Variants in SCFD1 observed in about 807,000 individuals in gnomAD.
SCFD1 encodes the protein sec1 family domain-containing protein 1.
SCFD1 carries 37 observed loss-of-function variants against 103.2 expected under a neutral mutation model. The observed-to-expected ratio is 0.36, with a 90% CI of 0.28 to 0.47. The LOEUF (loss-of-function observed/expected upper bound fraction) is 0.47. Among genes scored for constraint, SCFD1 ranks in the 20% least tolerant of loss-of-function variants. The probability of loss-of-function intolerance (pLI) is 1.00; values close to 1 mark genes in which losing one functional copy is unlikely to be tolerated. For missense variants in SCFD1, 639 were observed against 761.2 expected (o/e 0.84, Z 1.89); for synonymous variants, 264 against 245.0 (o/e 1.08, Z -0.73).
At chr14:30,691,396 G>A (rs959733130) in intron 14 of SCFD1, among the ~76,000 whole-genome samples, 4 of 152,184 alleles carry the variant, frequency 2.6e-5, no homozygotes, top group Non-Finnish European at 2.9e-5. Context: ...TTTGGTTTGA[G>A]AAAGAGGGTC....
chr14:30,670,293 C>T lies in SCFD1; in HGVS notation c.893C>T (p.Ser298Leu), dbSNP rs150156302. The T allele has an allele frequency of 6.3e-7, 1 of 1,596,710 alleles. No individual in the cohort carries two copies. The highest frequency in any genetic ancestry group is 8.5e-7 in the Non-Finnish European group (1 of 1,173,300). ...HLNRVNLEES[S>L]GVENSPAGAR... ...AACAGGGTTAATTTGGAAGAATCTTCAGGAGTGGAAAACTCTCCAGCTGGT... is the reference window on the plus strand; with the variant it reads ...AACAGGGTTAATTTGGAAGAATCTTTAGGAGTGGAAAACTCTCCAGCTGGT... Residue 298 changes from serine (S) to leucine (L), a missense_variant, in exon 11 of 25, where the codon TCA (serine) becomes TTA (leucine). Ser to Leu is a moderately radical substitution (Grantham distance 145, BLOSUM62 -2). Transcript: ENST00000458591.
chr14:30,692,256 G>C (rs1248695185), intron 14 of SCFD1, among the ~76,000 whole-genome samples: 2 of 152,136 alleles, frequency 1.3e-5, no homozygotes, highest in Non-Finnish European at 2.9e-5. Flanking sequence ...AAGCCAGGTG[G>C]TGGTAGACTC....
intron 15 of SCFD1, among the ~76,000 whole-genome samples, chr14:30,695,110 C>A (rs568422180): frequency 9.9e-5 from 15 of 152,236 alleles, no homozygotes; most frequent in African/African-American, 2.6e-4. Context: ...TTTATATTCA[C>A]TTGTTTAAGG....
At chr14:30,708,257 G>A (rs1891613628) in intron 19 of SCFD1, among the ~76,000 whole-genome samples, 192 bp downstream of exon 19, 1 of 152,188 alleles carries the variant, frequency 6.6e-6, no homozygotes, top group South Asian at 2.1e-4. Flanking sequence ...GTAAATGTGT[G>A]CCTTGGTGGT....
intron 18 of SCFD1, among the ~76,000 whole-genome samples, chr14:30,706,261 A>G (rs1487738569): frequency 6.6e-6 from 1 of 152,188 alleles, no homozygotes; most frequent in Non-Finnish European, 1.5e-5. Context: ...AACATTTTTT[A>G]TAGTATCATC....
chr14:30,634,760 G>A (rs1003010064), intron 4 of SCFD1: 12 of 453,414 alleles, frequency 2.6e-5, no homozygotes, highest in Middle Eastern at 3.3e-4. Flanking sequence ...TTAGTTTGTT[G>A]GTTTTCCTTG....
chr14:30,728,065 G>A (rs1303187727), intron 23 of SCFD1, among the ~76,000 whole-genome samples: 1 of 152,102 alleles, frequency 6.6e-6, no homozygotes, highest in East Asian at 1.9e-4. Context: ...TACATGATCA[G>A]TCAGAGAAAA....
At position 30,676,780 on chromosome 14, in the gene SCFD1, A is replaced by T. The variant is rs544956540; in HGVS notation, c.1242+1715A>T. ...CATGATCTGATTTATGTTTTAAAAT[A>T]AAGAAGACTGTGGAGGATAAGGGAC... On this transcript the variant is annotated intron_variant, in intron 14 of 24. Transcript: ENST00000458591. 2.6e-5 allele frequency: 4 copies of T among 152,284 alleles called. No homozygotes were observed. In the South Asian group the frequency reaches 8.3e-4, roughly 32 times the overall value. The allele number at this position is 152,284 out of a possible 1,614,324, so 9.4% of individuals were successfully genotyped here. A position where few individuals can be genotyped will look rare whatever the true frequency, so the allele number is the denominator to read the frequency against.
intron 14 of SCFD1, among the ~76,000 whole-genome samples, chr14:30,677,052 G>T (rs1018850518): frequency 6.6e-6 from 1 of 152,182 alleles, no homozygotes; most frequent in African/African-American, 2.4e-5. Context: ...TCTTATAAAA[G>T]AAAGTGTTCC....
At chr14:30,683,481 A>G (rs1889662274) in intron 14 of SCFD1, 4 of 393,340 alleles carry the variant, frequency 1.0e-5, no homozygotes, top group Admixed American at 9.3e-5. Flanking sequence ...ACACATTATG[A>G]GTCATGAGCT....
chr14:30,647,688 C>G (rs1023356561), intron 7 of SCFD1, among the ~76,000 whole-genome samples: 2 of 152,044 alleles, frequency 1.3e-5, no homozygotes, highest in African/African-American at 4.8e-5. Context: ...TCACCCCACA[C>G]GGTCTGTAAA....
chr14:30,661,080 C>T (rs1158007772), intron 10 of SCFD1, among the ~76,000 whole-genome samples: 1 of 152,152 alleles, frequency 6.6e-6, no homozygotes, highest in East Asian at 1.9e-4. Context: ...AAAAAGACAG[C>T]ATCTTCCAGT....
chr14:30,677,323 G>A (rs920121528), intron 14 of SCFD1, among the ~76,000 whole-genome samples: 4 of 151,844 alleles, frequency 2.6e-5, no homozygotes, highest in African/African-American at 9.7e-5. Context: ...ACCACACCCA[G>A]TCAAAAAAAT....
chr14:30,638,316 T>C, intron 5 of SCFD1, 69 bp downstream of exon 5: 1 of 1,601,498 alleles, frequency 6.2e-7, no homozygotes, highest in Non-Finnish European at 8.5e-7. Flanking sequence ...AAACCCGTAG[T>C]TGGCATAGAT....
intron 15 of SCFD1, among the ~76,000 whole-genome samples, chr14:30,695,542 C>T (rs1890636730): frequency 6.6e-6 from 1 of 152,012 alleles, no homozygotes; most frequent in Admixed American, 6.6e-5. Flanking sequence ...AAAATATAAA[C>T]GTATTTTTTA....
chr14:30,626,402 A>C (rs1883455519), intron 1 of SCFD1, among the ~76,000 whole-genome samples: 2 of 152,100 alleles, frequency 1.3e-5, no homozygotes. Flanking sequence ...AAGCTAGGGA[A>C]TCAAAATGGC....
chr14:30,706,003 T>C, intron 18 of SCFD1, 118 bp downstream of exon 18: 2 of 750,210 alleles, frequency 2.7e-6, no homozygotes, highest in Non-Finnish European at 4.4e-6. Flanking sequence ...ATGCCTTTGG[T>C]GACATTTAGA....
chr14:30,629,820 C>A (rs1056647612), intron 2 of SCFD1, among the ~76,000 whole-genome samples: 1 of 152,066 alleles, frequency 6.6e-6, no homozygotes, highest in Non-Finnish European at 1.5e-5. Flanking sequence ...TAGTGATCCG[C>A]CCACCTCGGC....
In SCFD1 at chr14:30,630,464, T is replaced by C. The variant is rs747724624; in HGVS notation, c.133-13T>C. 6.7e-7 allele frequency: 1 copy of C among 1,483,890 alleles called. No homozygotes were observed. Among genetic ancestry groups the C allele is most frequent in the Non-Finnish European group, 9.4e-7 (1 of 1,063,958 alleles). 91.9% of individuals were successfully genotyped at this position (1,483,890 alleles called of 1,614,324 possible). On this transcript the variant is annotated splice_polypyrimidine_tract_variant and intron_variant, in intron 2 of 24. Transcript: ENST00000458591. ...GTTCACTGATAATGATGACACATGG[T>C]TTTTTTTAATAGGTACTCATTTATG...
Sources: gnomAD v4.1 joint callset for allele counts (sites outside exome capture counted in the v4.1 genomes callset) on GRCh38, gnomAD v4.1.1 for gene constraint, MANE v1.5 for transcripts, NCBI Gene and HGNC (gene_info 2026-07-23, HGNC 2026-07-21) for gene names.